Variants in CCDC30 observed in about 807,000 individuals in gnomAD.
The protein encoded by CCDC30 is coiled-coil domain containing 30, also known as coiled-coil domain-containing protein 30.
A neutral mutation model predicts 100.2 loss-of-function variants in CCDC30; 70 were observed. That is an observed-to-expected ratio of 0.70 (90% CI 0.58 to 0.85). The LOEUF (loss-of-function observed/expected upper bound fraction) is 0.85, where lower values mean the gene tolerates loss of function less well. CCDC30 is among the 40% of genes least tolerant of loss of function. CCDC30 has a pLI of 0.00. For synonymous variants in CCDC30, 233 were observed against 269.5 expected, an observed-to-expected ratio of 0.86 and a Z score of 1.33; for missense variants, 652 against 771.2, an observed-to-expected ratio of 0.85 and a Z score of 1.83.
intron 15 of CCDC30, among the ~76,000 whole-genome samples, chr1:42,648,131 G>T (rs1387827518): frequency 6.6e-6 from 1 of 151,714 alleles, no homozygotes; most frequent in Non-Finnish European, 1.5e-5. Flanking sequence ...GTAGAGACGG[G>T]GTTTCTCCAT....
At chr1:42,640,945 A>C (rs1001721098) in intron 12 of CCDC30, among the ~76,000 whole-genome samples, 4 of 151,966 alleles carry the variant, frequency 2.6e-5, no homozygotes, top group Non-Finnish European at 5.9e-5. Context: ...AATGACCTAC[A>C]TTAGTATCTT....
chr1:42,514,008 G>A (rs12043703), intron 6 of CCDC30, among the ~76,000 whole-genome samples: 12,622 of 152,088 alleles, frequency 0.083, 641 homozygotes, highest in South Asian at 0.19. Flanking sequence ...CATTCATGAA[G>A]GATTCCCCCT....
At chr1:42,562,964 A>C (rs1354495179) in intron 6 of CCDC30, among the ~76,000 whole-genome samples, 1 of 152,142 alleles carries the variant, frequency 6.6e-6, no homozygotes, top group Non-Finnish European at 1.5e-5. Context: ...ATAGATGCTG[A>C]CGAGGCTGTG....
At chr1:42,561,044 G>A (rs189249888) in intron 6 of CCDC30, among the ~76,000 whole-genome samples, 94 of 152,226 alleles carry the variant, frequency 6.2e-4, no homozygotes, top group South Asian at 2.7e-3. Flanking sequence ...GGAGCTGTTA[G>A]CATTCCTTCT....
chr1:42,577,982 A>C (rs990768489), intron 8 of CCDC30, among the ~76,000 whole-genome samples: 1 of 152,208 alleles, frequency 6.6e-6, no homozygotes, highest in African/African-American at 2.4e-5. Context: ...TGATCAGATC[A>C]GGGTAATTAT....
chr1:42,608,801 A>G (rs1031373350), intron 10 of CCDC30, among the ~76,000 whole-genome samples: 3 of 151,826 alleles, frequency 2.0e-5, no homozygotes, highest in African/African-American at 7.2e-5. Context: ...AGGAATTACC[A>G]TAAGACAACT....
At chr1:42,537,342 C>A in intron 6 of CCDC30, 1 of 441,310 alleles carries the variant, frequency 2.3e-6, no homozygotes, top group Non-Finnish European at 4.5e-6. Flanking sequence ...GACACTCAAT[C>A]AGTTTGTAGT....
chr1:42,599,029 G>C (rs1646349297), intron 10 of CCDC30, among the ~76,000 whole-genome samples: 1 of 152,120 alleles, frequency 6.6e-6, no homozygotes, highest in African/African-American at 2.4e-5. Flanking sequence ...ATATAGATCA[G>C]AAACCAGGAT....
chr1:42,488,773 A>G (rs1644090963), intron 3 of CCDC30, among the ~76,000 whole-genome samples: 1 of 152,210 alleles, frequency 6.6e-6, no homozygotes, highest in African/African-American at 2.4e-5. Flanking sequence ...ATTAAGTCAA[A>G]TGTTTTCAGA....
chr1:42,532,962 C>T (rs1426379281), intron 6 of CCDC30, among the ~76,000 whole-genome samples: 2 of 151,990 alleles, frequency 1.3e-5, no homozygotes, highest in Admixed American at 6.6e-5. Context: ...GTAGAGACGG[C>T]GTTTCACTGT....
chr1:42,516,002 A>G (rs1304680163), intron 6 of CCDC30, among the ~76,000 whole-genome samples: 3 of 152,220 alleles, frequency 2.0e-5, no homozygotes, highest in Admixed American at 6.5e-5. Context: ...AGTGTAAATA[A>G]TGGGTGTACA....
At chr1:42,524,144 T>C (rs1402383958) in intron 6 of CCDC30, among the ~76,000 whole-genome samples, 1 of 151,992 alleles carries the variant, frequency 6.6e-6, no homozygotes, top group Non-Finnish European at 1.5e-5. Flanking sequence ...CACCTTCATG[T>C]TTCTTTGTAT....
intron 4 of CCDC30, chr1:42,492,073 A>G: frequency 2.7e-6 from 1 of 371,692 alleles, no homozygotes. Flanking sequence ...TCCGTGGTCA[A>G]AAAATGGCAG....
intron 6 of CCDC30, among the ~76,000 whole-genome samples, chr1:42,502,794 T>C (rs1158604604): frequency 6.6e-6 from 1 of 152,226 alleles, no homozygotes; most frequent in Non-Finnish European, 1.5e-5. Context: ...ATACAATATG[T>C]GGACATTTGT....
intron 15 of CCDC30, among the ~76,000 whole-genome samples, chr1:42,650,661 T>C (rs1648273096): frequency 6.6e-6 from 1 of 151,888 alleles, no homozygotes; most frequent in Non-Finnish European, 1.5e-5. Flanking sequence ...ATTTTTCTTT[T>C]TCTGCTGCCC....
intron 11 of CCDC30, among the ~76,000 whole-genome samples, chr1:42,624,884 A>G (rs1646903566): frequency 1.3e-5 from 2 of 152,126 alleles, no homozygotes; most frequent in Non-Finnish European, 2.9e-5. Flanking sequence ...TGGTATTAGG[A>G]TAACACTGGT....
chr1:42,627,786 G>C lies in CCDC30; in HGVS notation c.1278-9451G>C, dbSNP rs183627779. Among the ~76,000 whole-genome samples the C allele has an allele frequency of 2.4e-4, 36 of 152,308 alleles. 1 individual carries two copies. On this transcript the variant is annotated intron_variant, in intron 11 of 16. Transcript: ENST00000668663. The stretch of plus-strand genomic sequence containing the variant: ...ACAGAAGTCAAGAATTCAGGTTTAG[G>C]AACCTCCACCTAGATTTCAGAAAAT...
chr1:42,638,346 C>T (rs369462285), intron 12 of CCDC30, among the ~76,000 whole-genome samples: 2 of 152,072 alleles, frequency 1.3e-5, no homozygotes, highest in Non-Finnish European at 2.9e-5. Flanking sequence ...GCCTGGGCAA[C>T]ATAGAGAAGC....
At chr1:42,532,359 C>A (rs1644818987) in intron 6 of CCDC30, among the ~76,000 whole-genome samples, 1 of 152,148 alleles carries the variant, frequency 6.6e-6, no homozygotes, top group Non-Finnish European at 1.5e-5. Flanking sequence ...TTTAGGAAAT[C>A]ATTCCCTTAT....
Sources: gnomAD v4.1 joint callset for allele counts (sites outside exome capture counted in the v4.1 genomes callset) on GRCh38, gnomAD v4.1.1 for gene constraint, MANE v1.5 for transcripts, NCBI Gene and HGNC (gene_info 2026-07-23, HGNC 2026-07-21) for gene names.